Variants in CTIF observed in about 807,000 individuals in gnomAD.
CTIF encodes CBP80/20-dependent translation initiation factor.
Under a neutral mutation model 66.0 loss-of-function variants are expected in CTIF, and 21 were observed. The observed-to-expected ratio is 0.32, with a 90% CI of 0.23 to 0.46. CTIF has a LOEUF of 0.46. Among genes scored for constraint, CTIF ranks in the 20% least tolerant of loss-of-function variants. The pLI is 1.00. For synonymous variants in CTIF, 345 were observed against 326.4 expected, an observed-to-expected ratio of 1.06 and a Z score of -0.62; for missense variants, 739 against 812.7, an observed-to-expected ratio of 0.91 and a Z score of 1.10.
chr18:48,618,089 T>C (rs1340594818), intron 1 of CTIF, among the ~76,000 whole-genome samples: 1 of 152,208 alleles, frequency 6.6e-6, no homozygotes, highest in East Asian at 1.9e-4. Context: ...AGAGTCAACA[T>C]TCATGCTCTC....
chr18:48,819,825 A>C (rs2068445502), intron 10 of CTIF, among the ~76,000 whole-genome samples: 1 of 152,224 alleles, frequency 6.6e-6, no homozygotes, highest in South Asian at 2.1e-4. Context: ...GTTGTTCATC[A>C]ACTGCACCAC....
intron 9 of CTIF, among the ~76,000 whole-genome samples, chr18:48,805,932 C>G (rs1404944048): frequency 6.6e-6 from 1 of 152,198 alleles, no homozygotes; most frequent in Non-Finnish European, 1.5e-5. Context: ...CGAGCCAAGT[C>G]CCATTCCAGG....
chr18:48,662,556 T>G (rs920552744), intron 3 of CTIF: 16 of 151,728 alleles, frequency 1.1e-4, no homozygotes, highest in African/African-American at 3.4e-4. Flanking sequence ...GCCTCCTGTC[T>G]GTGGCGGCTG....
intron 1 of CTIF, among the ~76,000 whole-genome samples, chr18:48,558,050 T>C (rs1296009334): frequency 1.3e-5 from 2 of 152,224 alleles, no homozygotes; most frequent in African/African-American, 4.8e-5. Flanking sequence ...TCCCTTTCTT[T>C]TTCTTTTCTT....
chr18:48,791,267 C>A (rs2067787093), intron 9 of CTIF, among the ~76,000 whole-genome samples: 1 of 152,248 alleles, frequency 6.6e-6, no homozygotes, highest in South Asian at 2.1e-4. Flanking sequence ...GCCCAAGGCC[C>A]TATAGCAAGA....
At position 48,683,685 on chromosome 18, in the gene CTIF, G is replaced by A. The variant is rs55658402; in HGVS notation, c.507+12941G>A. Among the ~76,000 whole-genome samples the A allele has an allele frequency of 9.0e-3, 1,373 of 152,304 alleles. 7 individuals carry two copies. The highest frequency in any genetic ancestry group is 0.015 in the Non-Finnish European group (1,017 of 68,020). On this transcript the variant is annotated intron_variant, in intron 6 of 11. Coordinates refer to ENST00000256413, the MANE Select transcript of CTIF (RefSeq NM_014772.3). ...CGGTCTAGGCCCTGCTCTCTCTCCA[G>A]AGTGAAAACCTCAAGGAGTGTTTTC...
At chr18:48,738,323 A>G (rs1019815401) in intron 7 of CTIF, among the ~76,000 whole-genome samples, 12 of 152,034 alleles carry the variant, frequency 7.9e-5, no homozygotes, top group Non-Finnish European at 1.5e-4. Context: ...ACCTTTTTCA[A>G]TGTCATTTCT....
At chr18:48,852,636 T>A (rs552061959) in intron 10 of CTIF, among the ~76,000 whole-genome samples, 1 of 152,330 alleles carries the variant, frequency 6.6e-6, no homozygotes, top group South Asian at 2.1e-4. Flanking sequence ...GAGGGGTCAC[T>A]GCCCCAGAGT....
In CTIF at chr18:48,670,829, C is replaced by T. The variant is rs2091521833; in HGVS notation, c.507+85C>T. The T allele has an allele frequency of 8.7e-6, 10 of 1,155,156 alleles. No homozygotes were observed. The African/African-American group carries it at 9.1e-5, about 10-fold the overall frequency. 71.6% of individuals were successfully genotyped at this position (1,155,156 alleles called of 1,614,324 possible). ...TCCTGGACAGGACCTAACCAAAGCACTCCTTCTGGCTGCTTGTTCCAGCAA... is the reference window on the plus strand; with the variant it reads ...TCCTGGACAGGACCTAACCAAAGCATTCCTTCTGGCTGCTTGTTCCAGCAA... On this transcript the variant is annotated intron_variant, in intron 6 of 11. Coordinates refer to ENST00000256413, the MANE Select transcript of CTIF (RefSeq NM_014772.3).
intron 1 of CTIF, among the ~76,000 whole-genome samples, chr18:48,612,226 T>C (rs1231261241): frequency 6.6e-6 from 1 of 151,710 alleles, no homozygotes; most frequent in African/African-American, 2.4e-5. Flanking sequence ...TGAAGGGGAG[T>C]GTGGGCTGGA....
intron 3 of CTIF, among the ~76,000 whole-genome samples, chr18:48,637,136 C>T (rs2090837744): frequency 6.6e-6 from 1 of 152,210 alleles, no homozygotes; most frequent in Non-Finnish European, 1.5e-5. Flanking sequence ...TGCAGAAGGC[C>T]TGGGAGGGGC....
At chr18:48,819,391 A>C (rs993860009) in intron 10 of CTIF, among the ~76,000 whole-genome samples, 1 of 152,190 alleles carries the variant, frequency 6.6e-6, no homozygotes, top group South Asian at 2.1e-4. Flanking sequence ...GACAGGGAGC[A>C]GCACTGTTCT....
intron 6 of CTIF, among the ~76,000 whole-genome samples, chr18:48,708,670 C>T (rs946180443): frequency 2.6e-5 from 4 of 152,212 alleles, no homozygotes; most frequent in African/African-American, 9.6e-5. Flanking sequence ...AGGCTTTGTT[C>T]TGTCACCTCT....
chr18:48,788,530 C>A lies in CTIF; in HGVS notation c.1371+26841C>A, dbSNP rs377356197. ...TATCTCCCTGTATCCCAGGGCCACA[C>A]CACCTGAAGCATTTTTCCCCTGCCT... is the stretch of plus-strand genomic sequence containing the variant. On this transcript the variant is annotated intron_variant, in intron 9 of 11. Coordinates refer to ENST00000256413, the MANE Select transcript of CTIF (RefSeq NM_014772.3). Among the ~76,000 whole-genome samples, 374 of 41,498 alleles carry A rather than the reference C, an allele frequency of 9.0e-3. 4 individuals are homozygous for A. Among genetic ancestry groups the A allele is most frequent in the African/African-American group, 0.038 (361 of 9,468 alleles). 27.2% of individuals were successfully genotyped at this position (41,498 alleles called of 152,430 possible).
At chr18:48,664,684 G>T in intron 5 of CTIF, 133 bp downstream of exon 5, 1 of 695,364 alleles carries the variant, frequency 1.4e-6, no homozygotes, top group Non-Finnish European at 2.4e-6. Flanking sequence ...CTTCTTATGC[G>T]TCCCAGAGCT....
chr18:48,610,535 G>A (rs1050778428), intron 1 of CTIF, among the ~76,000 whole-genome samples: 5 of 152,148 alleles, frequency 3.3e-5, no homozygotes, highest in Non-Finnish European at 5.9e-5. Flanking sequence ...GGAATCTAAT[G>A]AGGCACCCCC....
At chr18:48,674,699 C>A (rs757199804) in intron 6 of CTIF, among the ~76,000 whole-genome samples, 9 of 152,168 alleles carry the variant, frequency 5.9e-5, no homozygotes, top group Non-Finnish European at 8.8e-5. Flanking sequence ...GACTCAGGCT[C>A]TTGGAGCCCC....
At chr18:48,602,792 TGGATGGGTGGGTGAAC>T (rs2090114243) in intron 1 of CTIF, among the ~76,000 whole-genome samples, 1 of 152,170 alleles carries the variant, frequency 6.6e-6, no homozygotes, top group African/African-American at 2.4e-5. Context: ...TATGGGTGGA[TGGATGGGTGGGTGAAC>T]GAATGGATGA....
At chr18:48,610,345 A>G (rs962880702) in intron 1 of CTIF, among the ~76,000 whole-genome samples, 4 of 151,670 alleles carry the variant, frequency 2.6e-5, no homozygotes, top group Non-Finnish European at 4.4e-5. Context: ...AGGGGCACCC[A>G]GGGATAAAGC....
Sources: allele counts gnomAD v4.1 joint callset (sites outside exome capture counted in the v4.1 genomes callset), GRCh38; gene constraint gnomAD v4.1.1; transcripts MANE v1.5; gene names NCBI Gene and HGNC (gene_info 2026-07-23, HGNC 2026-07-21).